CNN3: variants seen among roughly 807,000 people sequenced by gnomAD.
CNN3 encodes the protein calponin-3.
Under a neutral mutation model 39.0 loss-of-function variants are expected in CNN3, and 11 were observed. The ratio of observed to expected loss-of-function variants is 0.28; its 90% CI spans 0.18 to 0.47. The LOEUF is 0.47. CNN3 is among the 20% of genes least tolerant of loss of function. CNN3 has a pLI of 0.99. For missense variants in CNN3, 266 were observed against 403.4 expected, an observed-to-expected ratio of 0.66 and a Z score of 2.92; for synonymous variants, 101 against 138.3, an observed-to-expected ratio of 0.73 and a Z score of 1.89.
At chr1:94,902,042 C>A in intron 4 of CNN3, 79 bp downstream of exon 4, 1 of 1,275,798 alleles carries the variant, frequency 7.8e-7, no homozygotes, top group Admixed American at 1.7e-5. Flanking sequence ...TGGTCTGAAC[C>A]CCCATGAAAA....
At chr1:94,914,355 G>A (rs1671232668) in intron 1 of CNN3, among the ~76,000 whole-genome samples, 1 of 152,156 alleles carries the variant, frequency 6.6e-6, no homozygotes, top group African/African-American at 2.4e-5. Flanking sequence ...TCAGTCTACT[G>A]TGACTCAAGG....
intron 1 of CNN3, among the ~76,000 whole-genome samples, chr1:94,905,514 A>C (rs1448140718): frequency 6.6e-6 from 1 of 152,102 alleles, no homozygotes; most frequent in Non-Finnish European, 1.5e-5. Context: ...GATTTCACTA[A>C]ATTACTGTGG....
intron 1 of CNN3, among the ~76,000 whole-genome samples, chr1:94,923,381 G>A (rs1671496530): frequency 6.6e-6 from 1 of 151,878 alleles, no homozygotes; most frequent in East Asian, 1.9e-4. Context: ...ATTTTCCCTG[G>A]CCCTTTTACT....
At chr1:94,907,844 A>G (rs932901476) in intron 1 of CNN3, among the ~76,000 whole-genome samples, 2 of 152,252 alleles carry the variant, frequency 1.3e-5, no homozygotes, top group Non-Finnish European at 2.9e-5. Context: ...TGGGCAACAG[A>G]GCAAGACTCC....
chr1:94,915,069 G>C (rs1315061479), intron 1 of CNN3, among the ~76,000 whole-genome samples: 1 of 152,148 alleles, frequency 6.6e-6, no homozygotes, highest in Non-Finnish European at 1.5e-5. Flanking sequence ...GTTTTGTAGA[G>C]ATGGGGTCTC....
At chr1:94,924,172 AC>A (rs1219700624) in intron 1 of CNN3, 1 of 152,216 alleles carries the variant, frequency 6.6e-6, no homozygotes, top group African/African-American at 2.4e-5. Context: ...GTATATACCC[AC>A]CTTTCACCCG....
At chr1:94,905,330 G>A (rs1670967555) in intron 1 of CNN3, among the ~76,000 whole-genome samples, 2 of 152,300 alleles carry the variant, frequency 1.3e-5, no homozygotes, top group Admixed American at 6.5e-5. Context: ...CCCAGGTCAA[G>A]TAGGTGGAAA....
chr1:94,925,834 T>C lies in CNN3; in HGVS notation c.57+1004A>G, dbSNP rs1236138152. Reference sequence around the variant, plus strand: ...GGCCAGAACAGCAGAAAGGAGACAATGAGCGTTCTGTGCACAGTTCCGCGC... The same window carrying C: ...GGCCAGAACAGCAGAAAGGAGACAACGAGCGTTCTGTGCACAGTTCCGCGC... On this transcript the variant is annotated intron_variant, in intron 1 of 6. Coordinates refer to ENST00000370206, the MANE Select transcript of CNN3 (RefSeq NM_001839.5). 4 of 985,140 alleles carry C rather than the reference T, an allele frequency of 4.1e-6. No homozygotes were observed. In the East Asian group the frequency reaches 3.4e-4, roughly 84 times the overall value. The allele number at this position is 985,140 out of a possible 1,614,324, so 61.0% of individuals were successfully genotyped here. A position where few individuals can be genotyped will look rare whatever the true frequency, so the allele number is the denominator to read the frequency against.
intron 1 of CNN3, among the ~76,000 whole-genome samples, chr1:94,920,080 T>C (rs969577416): frequency 3.3e-5 from 5 of 152,110 alleles, no homozygotes; most frequent in African/African-American, 1.2e-4. Context: ...AAAGGAAAGA[T>C]ATATCTTATT....
intron 1 of CNN3, chr1:94,925,738 T>C: frequency 4.1e-6 from 4 of 985,388 alleles, no homozygotes; most frequent in Non-Finnish European, 4.8e-6. Flanking sequence ...GCGGTGGCAA[T>C]CCTGACATGC....
chr1:94,901,151 C>G (rs1022634915), intron 5 of CNN3, among the ~76,000 whole-genome samples: 11 of 152,122 alleles, frequency 7.2e-5, no homozygotes, highest in African/African-American at 2.7e-4. Context: ...GTCAGGAGTT[C>G]AAGACCAGCC....
At chr1:94,924,415 A>T (rs1671526142) in intron 1 of CNN3, 1 of 152,348 alleles carries the variant, frequency 6.6e-6, no homozygotes, top group Admixed American at 6.5e-5. Context: ...TGAGGTCAGG[A>T]GTTGGAGACC....
intron 5 of CNN3, among the ~76,000 whole-genome samples, chr1:94,899,991 C>G (rs976621269): frequency 6.6e-6 from 1 of 152,178 alleles, no homozygotes; most frequent in African/African-American, 2.4e-5. Context: ...AAATCACCAA[C>G]ATTTTCTCCA....
chr1:94,918,184 T>A (rs1021467812), intron 1 of CNN3, among the ~76,000 whole-genome samples: 1 of 152,134 alleles, frequency 6.6e-6, no homozygotes, highest in Non-Finnish European at 1.5e-5. Context: ...CATGAATATA[T>A]TGCCCAGTTG....
At chr1:94,902,830 T>C (rs1670902849) in intron 3 of CNN3, among the ~76,000 whole-genome samples, 1 of 152,112 alleles carries the variant, frequency 6.6e-6, no homozygotes, top group Non-Finnish European at 1.5e-5. Context: ...GGGTTGCATT[T>C]CTCTGTGTAA....
chr1:94,911,210 T>G (rs1671153561), intron 1 of CNN3, among the ~76,000 whole-genome samples: 1 of 152,196 alleles, frequency 6.6e-6, no homozygotes, highest in Non-Finnish European at 1.5e-5. Flanking sequence ...CTAAGACTCA[T>G]TCCATGGCAC....
chr1:94,907,153 A>G (rs1330586877), intron 1 of CNN3, among the ~76,000 whole-genome samples: 1 of 152,250 alleles, frequency 6.6e-6, no homozygotes, highest in Admixed American at 6.5e-5. Flanking sequence ...AGAAATTCGT[A>G]TGTACAAGCA....
At chr1:94,910,829 A>G (rs1472081989) in intron 1 of CNN3, among the ~76,000 whole-genome samples, 1 of 152,190 alleles carries the variant, frequency 6.6e-6, no homozygotes, top group Non-Finnish European at 1.5e-5. Context: ...GGTACAGAGC[A>G]TTCTATTAAC....
In CNN3 at chr1:94,906,749, T is replaced by C. The variant is rs180988553; in HGVS notation, c.58-3225A>G. 2.0e-5 allele frequency among the ~76,000 whole-genome samples: 3 copies of C among 152,348 alleles called. No individual in the cohort carries two copies. The East Asian group carries it at 5.8e-4, about 29-fold the overall frequency. Reference sequence around the variant, plus strand: ...AAGTATTTTCTCGTTTCTTCAAATGTAGAGAAAAATTATGTTAGAGTAGTT... The same window carrying C: ...AAGTATTTTCTCGTTTCTTCAAATGCAGAGAAAAATTATGTTAGAGTAGTT... On this transcript the variant is annotated intron_variant, in intron 1 of 6. Coordinates refer to ENST00000370206, the MANE Select transcript of CNN3 (RefSeq NM_001839.5).
Sources: gnomAD v4.1 joint callset for allele counts (sites outside exome capture counted in the v4.1 genomes callset) on GRCh38, gnomAD v4.1.1 for gene constraint, MANE v1.5 for transcripts, NCBI Gene and HGNC (gene_info 2026-07-23, HGNC 2026-07-21) for gene names.